The following RAPGEF5 variants were observed in gnomAD, a reference collection of about 807,000 sequenced individuals.
RAPGEF5 encodes Rap guanine nucleotide exchange factor 5.
Under a neutral mutation model 125.2 loss-of-function variants are expected in RAPGEF5, and 65 were observed. The ratio of observed to expected loss-of-function variants is 0.52; its 90% CI spans 0.43 to 0.64. The LOEUF is 0.64. Among genes scored for constraint, RAPGEF5 ranks in the 30% least tolerant of loss-of-function variants. The probability of loss-of-function intolerance (pLI) is 0.00; values close to 1 mark genes in which losing one functional copy is unlikely to be tolerated. For synonymous variants in RAPGEF5, 391 were observed against 385.9 expected, an observed-to-expected ratio of 1.01 and a Z score of -0.16; for missense variants, 958 against 1,048.1, an observed-to-expected ratio of 0.91 and a Z score of 1.19.
At chr7:22,139,752 C>T (rs3823664) in intron 21 of RAPGEF5, 85,069 of 327,062 alleles carry the variant, frequency 0.26, 13,157 homozygotes, top group Non-Finnish European at 0.33. Flanking sequence ...CATCATCATG[C>T]GGGGAGACTG....
At chr7:22,199,989 A>T (rs544509920) in intron 9 of RAPGEF5, among the ~76,000 whole-genome samples, 2 of 152,344 alleles carry the variant, frequency 1.3e-5, no homozygotes, top group South Asian at 4.1e-4. Flanking sequence ...CAACACAAAG[A>T]TTCTACAAAA....
intron 11 of RAPGEF5, among the ~76,000 whole-genome samples, chr7:22,185,728 C>T (rs1156582523): frequency 6.6e-6 from 1 of 152,212 alleles, no homozygotes; most frequent in Non-Finnish European, 1.5e-5. Flanking sequence ...TCTGGAAAAA[C>T]AAGCCCTTAC....
At chr7:22,144,915 A>G (rs1783381046) in intron 20 of RAPGEF5, 129 bp downstream of exon 20, 1 of 1,054,814 alleles carries the variant, frequency 9.5e-7, no homozygotes, top group Admixed American at 3.1e-5. Flanking sequence ...ATTTTCAGCC[A>G]TTTAGTCATT....
At chr7:22,166,578 C>T (rs1489770338) in intron 12 of RAPGEF5, among the ~76,000 whole-genome samples, 1 of 152,190 alleles carries the variant, frequency 6.6e-6, no homozygotes, top group Non-Finnish European at 1.5e-5. Flanking sequence ...GAAAAGATGA[C>T]AGTTGATTCC....
intron 18 of RAPGEF5, among the ~76,000 whole-genome samples, chr7:22,149,572 T>G (rs1022052182): frequency 1.3e-5 from 2 of 152,230 alleles, no homozygotes; most frequent in African/African-American, 4.8e-5. Flanking sequence ...TCTTAAATTT[T>G]GGACTGAAAG....
chr7:22,221,283 G>A (rs577945355), intron 8 of RAPGEF5, among the ~76,000 whole-genome samples: 1 of 152,224 alleles, frequency 6.6e-6, no homozygotes, highest in Non-Finnish European at 1.5e-5. Flanking sequence ...TGGATAGCCA[G>A]GATTGTTGGA....
At chr7:22,331,916 T>C (rs1783929029) in intron 1 of RAPGEF5, among the ~76,000 whole-genome samples, 1 of 152,094 alleles carries the variant, frequency 6.6e-6, no homozygotes, top group South Asian at 2.1e-4. Flanking sequence ...AGGAAACTTG[T>C]TGAAAGTAAT....
intron 1 of RAPGEF5, among the ~76,000 whole-genome samples, chr7:22,321,442 T>G (rs996100474): frequency 6.6e-6 from 1 of 152,244 alleles, no homozygotes; most frequent in African/African-American, 2.4e-5. Flanking sequence ...TATTTTTCAT[T>G]AGTCCTTAAA....
chr7:22,286,371 A>C (rs894048246), intron 6 of RAPGEF5, among the ~76,000 whole-genome samples: 1 of 152,222 alleles, frequency 6.6e-6, no homozygotes, highest in African/African-American at 2.4e-5. Context: ...CCTAACTCAC[A>C]TCACCTCAGG....
At chr7:22,154,683 G>A (rs1466616080) in intron 16 of RAPGEF5, 79 bp from the exon 17 acceptor site, 1 of 1,503,006 alleles carries the variant, frequency 6.7e-7, no homozygotes, top group South Asian at 1.3e-5. Context: ...AAGGCACCTT[G>A]ATCAACTTTT....
chr7:22,281,559 A>G (rs1003802378), intron 6 of RAPGEF5, among the ~76,000 whole-genome samples: 1 of 152,154 alleles, frequency 6.6e-6, no homozygotes, highest in Non-Finnish European at 1.5e-5. Context: ...CCTTGTTCCA[A>G]ATAAACCAAC....
chr7:22,340,790 A>G (rs1414357203), intron 1 of RAPGEF5, among the ~76,000 whole-genome samples: 10 of 152,330 alleles, frequency 6.6e-5, no homozygotes, highest in East Asian at 1.9e-4. Context: ...GAAGCCTTCA[A>G]CTGGGAATGC....
intron 11 of RAPGEF5, among the ~76,000 whole-genome samples, chr7:22,167,962 C>A (rs182991282): frequency 5.3e-5 from 8 of 152,258 alleles, no homozygotes; most frequent in African/African-American, 1.9e-4. Flanking sequence ...GGTGATTTTG[C>A]CACAACAGTG....
intron 11 of RAPGEF5, among the ~76,000 whole-genome samples, chr7:22,188,125 A>G (rs1028195144): frequency 1.3e-5 from 2 of 152,216 alleles, no homozygotes; most frequent in Non-Finnish European, 2.9e-5. Flanking sequence ...ACTTACCGCC[A>G]TCTAAATATT....
intron 11 of RAPGEF5, among the ~76,000 whole-genome samples, chr7:22,181,278 ATTC>A (rs1228880584): frequency 2.6e-5 from 4 of 152,218 alleles, no homozygotes; most frequent in Non-Finnish European, 5.9e-5. Flanking sequence ...TACTACATAA[ATTC>A]TTCTTCATAA....
In RAPGEF5 at chr7:22,298,867, C is replaced by A. The variant is rs1338846959; in HGVS notation, c.681-7626G>T. 2.2e-4 allele frequency among the ~76,000 whole-genome samples: 34 copies of A among 152,210 alleles called. No homozygotes were observed. In the East Asian group the frequency reaches 6.5e-3, roughly 29 times the overall value. On this transcript the variant is annotated intron_variant, in intron 5 of 25. Coordinates refer to ENST00000665637, the MANE Select transcript of RAPGEF5 (RefSeq NM_012294.5). ...TCTTTCAAAGAATGTGTCCATTCCA[C>A]CTAAGTTTTCAAATTAATGATCACA...
At chr7:22,234,941 G>C (rs1296276250) in intron 7 of RAPGEF5, among the ~76,000 whole-genome samples, 1 of 152,080 alleles carries the variant, frequency 6.6e-6, no homozygotes, top group Non-Finnish European at 1.5e-5. Flanking sequence ...AATTTCTGCT[G>C]ATCAACTTTG....
intron 1 of RAPGEF5, among the ~76,000 whole-genome samples, chr7:22,340,708 C>T (rs1267909478): frequency 6.6e-6 from 1 of 152,206 alleles, no homozygotes; most frequent in Non-Finnish European, 1.5e-5. Context: ...GTATTCCGCA[C>T]TAGAACCCCC....
intron 11 of RAPGEF5, chr7:22,191,767 G>A (rs1785004402): frequency 2.3e-6 from 1 of 426,718 alleles, no homozygotes; most frequent in African/African-American, 2.0e-5. Flanking sequence ...TTAAGTAGTG[G>A]GAACCTGTGA....
Sources: gnomAD v4.1 joint callset for allele counts (sites outside exome capture counted in the v4.1 genomes callset) on GRCh38, gnomAD v4.1.1 for gene constraint, MANE v1.5 for transcripts, NCBI Gene and HGNC (gene_info 2026-07-23, HGNC 2026-07-21) for gene names.